Variants in MDGA1 observed in about 807,000 individuals in gnomAD.
MDGA1 encodes the protein MAM domain containing glycosylphosphatidylinositol anchor 1.
A neutral mutation model predicts 101.5 loss-of-function variants in MDGA1; 54 were observed. The ratio of observed to expected loss-of-function variants is 0.53; its 90% CI spans 0.43 to 0.67. The LOEUF (loss-of-function observed/expected upper bound fraction) is 0.67, where lower values mean the gene tolerates loss of function less well. Ranked by LOEUF, MDGA1 falls within the 30% of genes least tolerant of loss-of-function variation. MDGA1 has a pLI of 0.00. For synonymous variants in MDGA1, 533 were observed against 558.3 expected, an observed-to-expected ratio of 0.95 and a Z score of 0.64; for missense variants, 1,083 against 1,323.8, an observed-to-expected ratio of 0.82 and a Z score of 2.82.
rs970972193 is a variant in MDGA1 at position 37,653,456 on chromosome 6, C to T, written c.982+818G>A. Among the ~76,000 whole-genome samples, 6 of 152,176 alleles carry T rather than the reference C, an allele frequency of 3.9e-5. No homozygotes were observed. In the East Asian group the frequency reaches 5.8e-4, roughly 15 times the overall value. On this transcript the variant is annotated intron_variant, in intron 6 of 16. Transcript: ENST00000434837. ...GTAATCAGTGACTCTCAGTGGAGTT[C>T]GGCAGAAGCTGTACTTTATGTTCAA... is the stretch of plus-strand genomic sequence containing the variant.
chr6:37,645,985 AG>A (rs1355005458), intron 11 of MDGA1, 29 bp from the exon 12 acceptor site: 1 of 1,613,986 alleles, frequency 6.2e-7, no homozygotes, highest in East Asian at 2.2e-5. Context: ...AAACCAAGTC[AG>A]AACTGAGGTG....
Position 37,644,504 on chromosome 6 carries a change from G to A in MDGA1, c.2394C>T (p.Thr798=). ...AGCAGGCCAGGTCCTCACCCTCAGG[G>A]GTGCCACTTATGTCGGTGGGGGGAC... is the stretch of plus-strand genomic sequence containing the variant. ...NTGPPTDISG[T]PEGYYMFIET... is the part of the protein sequence containing the mutation. The change falls in exon 13 of 17, where the codon ACC becomes ACT. Residue 798 remains threonine, a synonymous_variant. Coordinates refer to ENST00000434837, the MANE Select transcript of MDGA1 (RefSeq NM_153487.4). The A allele has an allele frequency of 1.3e-6, 2 of 1,579,364 alleles. No homozygotes were observed. The highest frequency in any genetic ancestry group is 1.7e-6 in the Non-Finnish European group (2 of 1,162,284).
At chr6:37,694,539 G>A (rs1295573169) in intron 1 of MDGA1, among the ~76,000 whole-genome samples, 1 of 152,102 alleles carries the variant, frequency 6.6e-6, no homozygotes, top group Non-Finnish European at 1.5e-5. Context: ...TGGGGAGGGG[G>A]GCAGAAGAAC....
rs1764063843 is a variant in MDGA1, at chr6:37,641,075, T to C, written c.2537-2408A>G. 1.3e-5 allele frequency among the ~76,000 whole-genome samples: 2 copies of C among 152,258 alleles called. 1 individual carries two copies. The highest frequency in any genetic ancestry group is 4.1e-4 in the South Asian group (2 of 4,820). ...GACAGGGTGTTTCTTGCTATCCTAG[T>C]TCCTCTTCCCTCCTCCCCTCCCACT... On this transcript the variant is annotated intron_variant, in intron 14 of 16. Coordinates refer to ENST00000434837, the MANE Select transcript of MDGA1 (RefSeq NM_153487.4).
chr6:37,654,928 T>G lies in MDGA1; in HGVS notation c.584A>C (p.Glu195Ala). ...GTTCTTCAGCTTCAGGACCTTGGTCTCCCCCTGGGCAGCAGTGGACCACTG... is the reference window on the plus strand; with the variant it reads ...GTTCTTCAGCTTCAGGACCTTGGTCGCCCCCTGGGCAGCAGTGGACCACTG... ...DIYEPLYTQG[E>A]TKVLKLKNLR... The change falls in exon 5 of 17, where the codon GAG (glutamate) becomes GCG (alanine). Residue 195 changes from glutamate (E) to alanine (A), a missense_variant. Physicochemically the swap from Glu to Ala is moderately radical, Grantham distance 107. Coordinates refer to ENST00000434837, the MANE Select transcript of MDGA1 (RefSeq NM_153487.4). The G allele has an allele frequency of 6.2e-7, 1 of 1,613,070 alleles. No individual in the cohort carries two copies. Among genetic ancestry groups the G allele is most frequent in the Non-Finnish European group, 8.5e-7 (1 of 1,179,750 alleles).
intron 10 of MDGA1, 69 bp downstream of exon 10, chr6:37,647,104 A>C (rs1335512335): frequency 7.0e-7 from 1 of 1,425,710 alleles, no homozygotes; most frequent in East Asian, 2.4e-5. Context: ...TCTGGCCTTG[A>C]TGAGCATTTC....
At chr6:37,676,608 AC>A (rs1761984333) in intron 1 of MDGA1, among the ~76,000 whole-genome samples, 1 of 152,174 alleles carries the variant, frequency 6.6e-6, no homozygotes, top group African/African-American at 2.4e-5. Flanking sequence ...TAGAAAAGCA[AC>A]CAAACCTGGC....
At chr6:37,682,224 C>A (rs915067506) in intron 1 of MDGA1, among the ~76,000 whole-genome samples, 1 of 152,224 alleles carries the variant, frequency 6.6e-6, no homozygotes, top group Non-Finnish European at 1.5e-5. Flanking sequence ...GTGGCTTATG[C>A]CTGTAATCCC....
In MDGA1 at chr6:37,696,763, G is replaced by C. The variant is rs1309477055; in HGVS notation, c.49C>G (p.Arg17Gly). The change falls in exon 1 of 17, where the codon CGG becomes GGG. Residue 17 changes from arginine to glycine, a missense_variant. Around this residue, in one of 3 missense-constraint regions of MDGA1, gnomAD observed 310 missense variants for 355.9 expected, o/e 0.87. Coordinates refer to ENST00000434837, the MANE Select transcript of MDGA1 (RefSeq NM_153487.4). The surrounding 1 kb of genome is among the most constrained non-coding windows in gnomAD (Gnocchi z 5.6). ...LLLALIPFHCRGQGVYAPAQA... is the reference protein window; with the variant it reads ...LLLALIPFHCGGQGVYAPAQA... ...CTCTTACCGTAGACTCCTTGTCCCC[G>C]GCAGTGGAAGGGGATCAGCGCCAGA... 2.5e-6 allele frequency: 4 copies of C among 1,583,628 alleles called. No individual in the cohort carries two copies. Among genetic ancestry groups the C allele is most frequent in the Non-Finnish European group, 3.4e-6 (4 of 1,164,272 alleles).
chr6:37,650,097 T>C lies in MDGA1; in HGVS notation c.1609+12A>G. The C allele has an allele frequency of 6.2e-7, 1 of 1,610,716 alleles. No homozygotes were observed. The highest frequency in any genetic ancestry group is 8.5e-7 in the Non-Finnish European group (1 of 1,177,898). ...AGCTGGGAAGGTAGTCCGGGTGGCG[T>C]GGTGGACTCACACTGCACGTTCAGC... On this transcript the variant is annotated intron_variant, in intron 8 of 16. Transcript: ENST00000434837.
chr6:37,652,179 T>C lies in MDGA1; in HGVS notation c.1144A>G (p.Lys382Glu). The C allele has an allele frequency of 6.2e-7, 1 of 1,614,060 alleles. No individual in the cohort carries two copies. Among genetic ancestry groups the C allele is most frequent in the South Asian group, 1.1e-5 (1 of 91,088 alleles). Reference sequence around the variant, plus strand: ...TCATTGCGGGTCACCAGCAGCCGCTTGGACATGCGTGCCGGCTTGCCATTC... The same window carrying C: ...TCATTGCGGGTCACCAGCAGCCGCTCGGACATGCGTGCCGGCTTGCCATTC... ...FKNGKPARMS[K>E]RLLVTRNDPE... The change falls in exon 7 of 17, where the codon AAG becomes GAG. Residue 382 changes from lysine (K) to glutamate (E), a missense_variant. By Grantham distance (56) the Lys-to-Glu change is moderately conservative (BLOSUM62 1). Coordinates refer to ENST00000434837, the MANE Select transcript of MDGA1 (RefSeq NM_153487.4). This position sits in a 1 kb window ranked among gnomAD's most constrained non-coding sequence, Gnocchi z 4.3.
In MDGA1 at chr6:37,649,075, G is replaced by A. The variant is rs1761289475; in HGVS notation, c.1801C>T (p.Arg601Cys). ...CTGTCGCGAGTTACGGCGTCGAGGC[G>A]CAGCTCCGCGTGATCCGGCGCCTCG... ...AAEAPDHAEL[R>C]LDAVTRDSSG... The change falls in exon 9 of 17, where the codon CGC becomes TGC. Residue 601 changes from arginine (R) to cysteine (C), a missense_variant. Arg to Cys is a radical substitution (Grantham distance 180). Transcript: ENST00000434837. 1.3e-6 allele frequency: 2 copies of A among 1,536,856 alleles called. No homozygotes were observed. The highest frequency in any genetic ancestry group is 1.2e-5 in the South Asian group (1 of 83,536).
intron 8 of MDGA1, chr6:37,649,741 G>T: frequency 2.1e-6 from 1 of 472,530 alleles, no homozygotes; most frequent in Non-Finnish European, 4.0e-6. Context: ...ATGAGTTAGT[G>T]CATTAAAACT....
intron 1 of MDGA1, among the ~76,000 whole-genome samples, chr6:37,682,234 C>T (rs1762110973): frequency 1.3e-5 from 2 of 152,216 alleles, no homozygotes; most frequent in Non-Finnish European, 2.9e-5. Context: ...CCTGTAATCC[C>T]AGCACTTTGG....
In MDGA1 at chr6:37,649,107, G is replaced by A. The variant is rs1208001031; in HGVS notation, c.1769C>T (p.Ala590Val). Residue 590 changes from alanine to valine, a missense_variant, in exon 9 of 17, where the codon GCC becomes GTC. By Grantham distance (64) the Ala-to-Val change is moderately conservative. Around this residue, in one of 3 missense-constraint regions of MDGA1, gnomAD observed 657 missense variants for 771.4 expected, o/e 0.85. Coordinates refer to ENST00000434837, the MANE Select transcript of MDGA1 (RefSeq NM_153487.4). ...CGCGTGATCCGGCGCCTCGGCGGCG[G>A]CGGGAACAACAGGCGGCGGCGGCAG... ...QLLPPPPVVPAAAEAPDHAEL... is the reference protein window; with the variant it reads ...QLLPPPPVVPVAAEAPDHAEL... The A allele has an allele frequency of 3.3e-6, 5 of 1,522,482 alleles. No individual in the cohort carries two copies. In the Admixed American group the frequency reaches 8.4e-5, roughly 26 times the overall value. The allele number at this position is 1,522,482 out of a possible 1,614,324, so 94.3% of individuals were successfully genotyped here.
At chr6:37,643,221 T>C (rs1764133167) in intron 14 of MDGA1, 1 of 152,416 alleles carries the variant, frequency 6.6e-6, no homozygotes. Context: ...ATCCTCTTAG[T>C]TGTCTTCTCC....
rs183572396 is a variant in MDGA1 at position 37,646,465 on chromosome 6, C to T, written c.2047-90G>A. 833 of 1,142,334 alleles carry T rather than the reference C, an allele frequency of 7.3e-4. 2 individuals are homozygous for T. The highest frequency in any genetic ancestry group is 1.6e-3 in the Middle Eastern group (6 of 3,862). The allele number at this position is 1,142,334 out of a possible 1,614,324, so 70.8% of individuals were successfully genotyped here. On this transcript the variant is annotated intron_variant, in intron 10 of 16. Coordinates refer to ENST00000434837, the MANE Select transcript of MDGA1 (RefSeq NM_153487.4). ...ACAGGACAATCACCCCTTCCGTGCC[C>T]ACCTCCCAGGGCTGTCTTCATAATA...
chr6:37,644,428 TG>T, intron 13 of MDGA1, 68 bp downstream of exon 13: 1 of 1,411,848 alleles, frequency 7.1e-7, no homozygotes, highest in African/African-American at 1.5e-5. Flanking sequence ...ATCCCCAGTC[TG>T]GGGTGCCCTG....
intron 10 of MDGA1, 24 bp from the exon 11 acceptor site, chr6:37,646,399 G>A (rs768852464): frequency 1.4e-6 from 2 of 1,440,676 alleles, no homozygotes; most frequent in African/African-American, 1.4e-5. Context: ...AGAGTTCCCA[G>A]ATGCCTAGGA....
Sources: gnomAD v4.1 joint callset for allele counts (sites outside exome capture counted in the v4.1 genomes callset) on GRCh38, gnomAD v4.1.1 for gene constraint, gnomAD v4.1.1 regional missense constraint, Gnocchi (gnomAD v3.1) non-coding constraint, MANE v1.5 for transcripts, NCBI Gene and HGNC (gene_info 2026-07-23, HGNC 2026-07-21) for gene names.